RNF103: variants seen among roughly 807,000 people sequenced by gnomAD.
RNF103 encodes ring finger protein 103.
A neutral mutation model predicts 66.2 loss-of-function variants in RNF103; 23 were observed. The observed-to-expected ratio is 0.35, with a 90% CI of 0.25 to 0.49. The LOEUF (loss-of-function observed/expected upper bound fraction) is 0.49, where lower values mean the gene tolerates loss of function less well. RNF103 is among the 20% of genes least tolerant of loss of function. RNF103 has a pLI of 0.98. For missense variants in RNF103, 730 were observed against 814.7 expected (o/e 0.90, Z 1.27); for synonymous variants, 297 against 289.9 (o/e 1.02, Z -0.25).
chr2:86,607,328 T>C (rs1678611920), intron 3 of RNF103, among the ~76,000 whole-genome samples: 1 of 152,234 alleles, frequency 6.6e-6, no homozygotes, highest in South Asian at 2.1e-4. Context: ...AGAAGAGTCT[T>C]GACGTAGGTA....
chr2:86,604,352 A>C lies in RNF103; in HGVS notation c.1549T>G (p.Phe517Val). ...DYIKNLPMWR[F>V]KCLGVQSEEE... Reference sequence around the variant, plus strand: ...TCAGACTGGACTCCAAGACATTTAAATCGCCACATTGGTAAGTTTTTAATA... The same window carrying C: ...TCAGACTGGACTCCAAGACATTTAACTCGCCACATTGGTAAGTTTTTAATA... The change falls in exon 4 of 4, where the codon TTT becomes GTT. Residue 517 changes from phenylalanine to valine, a missense_variant. Coordinates refer to ENST00000237455, the MANE Select transcript of RNF103 (RefSeq NM_005667.4). The C allele has an allele frequency of 6.2e-7, 1 of 1,614,234 alleles. No individual in the cohort carries two copies. Among genetic ancestry groups the C allele is most frequent in the Non-Finnish European group, 8.5e-7 (1 of 1,180,052 alleles).
Position 86,612,146 on chromosome 2 carries a change from C to T in RNF103, c.482+13G>A. 1.3e-6 allele frequency: 2 copies of T among 1,566,660 alleles called. No homozygotes were observed. The highest frequency in any genetic ancestry group is 8.7e-7 in the Non-Finnish European group (1 of 1,144,300). ...TCAGGACTCAAATTCTAAGAATTGCCTAATCAACTTACCTGGGATCACTGG... is the reference window on the plus strand; with the variant it reads ...TCAGGACTCAAATTCTAAGAATTGCTTAATCAACTTACCTGGGATCACTGG... On this transcript the variant is annotated intron_variant, in intron 3 of 3. Transcript: ENST00000237455.
Position 86,620,478 on chromosome 2 carries a change from A to G in RNF103, c.227-9T>C. On this transcript the variant is annotated splice_polypyrimidine_tract_variant and intron_variant, in intron 1 of 3. Coordinates refer to ENST00000237455, the MANE Select transcript of RNF103 (RefSeq NM_005667.4). ...ACCCTCCATCAAGTCACCTGAAGAAAGGAAAAGAATAACACTAATAAGGTT... is the reference window on the plus strand; with the variant it reads ...ACCCTCCATCAAGTCACCTGAAGAAGGGAAAAGAATAACACTAATAAGGTT... The G allele has an allele frequency of 6.4e-7, 1 of 1,563,046 alleles. No homozygotes were observed. The highest frequency in any genetic ancestry group is 8.7e-7 in the Non-Finnish European group (1 of 1,147,170).
At chr2:86,618,122 G>T (rs144086057) in intron 2 of RNF103, 64 of 320,242 alleles carry the variant, frequency 2.0e-4, no homozygotes, top group African/African-American at 1.3e-3. Context: ...TACCTATAAG[G>T]TTTAAAAATA....
intron 3 of RNF103, among the ~76,000 whole-genome samples, chr2:86,607,378 CAG>C (rs1290021876): frequency 2.0e-5 from 3 of 152,100 alleles, no homozygotes; most frequent in African/African-American, 7.2e-5. Context: ...AATTTTATCT[CAG>C]GGATTCTGTG....
At chr2:86,616,842 T>A in intron 2 of RNF103, 1 of 985,340 alleles carries the variant, frequency 1.0e-6, no homozygotes, top group Non-Finnish European at 1.2e-6. Flanking sequence ...GGAGGATAAA[T>A]CCATAAAACC....
intron 3 of RNF103, 56 bp from the exon 4 acceptor site, chr2:86,605,474 T>G: frequency 7.3e-6 from 11 of 1,504,128 alleles, no homozygotes; most frequent in Non-Finnish European, 8.9e-6. Flanking sequence ...ACAATTTATC[T>G]TCCCTGACAA....
At chr2:86,617,827 G>C (rs1013463732) in intron 2 of RNF103, 43 of 1,064,616 alleles carry the variant, frequency 4.0e-5, no homozygotes, top group Admixed American at 9.5e-5. Context: ...CTTAAACCAA[G>C]GTGGCTGTGC....
Position 86,609,342 on chromosome 2 carries a change from C to A in RNF103, c.482+2817G>T, listed in dbSNP as rs1017809022. ...CTTATACAGCCTGCAGAACAGTGAG[C>A]TAAATAAATCTATTTTCTTCATAAA... On this transcript the variant is annotated intron_variant, in intron 3 of 3. Transcript: ENST00000237455. Among the ~76,000 whole-genome samples the A allele has an allele frequency of 2.6e-5, 4 of 151,732 alleles. 1 individual carries two copies. The highest frequency in any genetic ancestry group is 6.8e-3 in the Middle Eastern group (2 of 294).
At chr2:86,620,181 A>G (rs1274340468) in intron 2 of RNF103, 149 bp downstream of exon 2, 3 of 1,026,624 alleles carry the variant, frequency 2.9e-6, no homozygotes, top group African/African-American at 1.6e-5. Context: ...CCTTTTTAAG[A>G]AGATACTGGA....
At chr2:86,608,656 T>A (rs1678667267) in intron 3 of RNF103, among the ~76,000 whole-genome samples, 1 of 151,968 alleles carries the variant, frequency 6.6e-6, no homozygotes, top group Non-Finnish European at 1.5e-5. Flanking sequence ...CAGGCCACCA[T>A]CCCTGACACT....
intron 3 of RNF103, among the ~76,000 whole-genome samples, chr2:86,606,186 A>T (rs551758824): frequency 0.077 from 11,741 of 152,226 alleles, 491 homozygotes; most frequent in African/African-American, 0.087. Flanking sequence ...TTCAAGAATG[A>T]TCCCCATTTT....
intron 2 of RNF103, chr2:86,614,919 G>A (rs930446127): frequency 3.0e-6 from 3 of 985,276 alleles, no homozygotes; most frequent in South Asian, 4.7e-5. Context: ...TCAGGTCTGT[G>A]TGCAGAATGA....
intron 3 of RNF103, among the ~76,000 whole-genome samples, chr2:86,608,635 C>G (rs969735174): frequency 1.3e-5 from 2 of 151,988 alleles, no homozygotes; most frequent in African/African-American, 4.8e-5. Flanking sequence ...TCTCCTTCCC[C>G]GTTTTTTCCA....
At chr2:86,612,970 G>C (rs915451836) in intron 2 of RNF103, 1 of 152,174 alleles carries the variant, frequency 6.6e-6, no homozygotes, top group African/African-American at 2.4e-5. Flanking sequence ...CTTAAGAAAA[G>C]AAAAAGAGGC....
intron 2 of RNF103, chr2:86,617,927 A>G: frequency 1.2e-6 from 1 of 836,728 alleles, no homozygotes; most frequent in Non-Finnish European, 1.7e-6. Context: ...GTTCTTTCAG[A>G]CCAGGCCAGC....
chr2:86,611,010 C>CA (rs36001734), intron 3 of RNF103, among the ~76,000 whole-genome samples: 71,146 of 129,432 alleles, frequency 0.55, 18,229 homozygotes, highest in East Asian at 0.8. Flanking sequence ...TCCATCTCTA[C>CA]AAAAAAAAAA....
Position 86,622,665 on chromosome 2 carries a change from CTT to C in RNF103, c.220_221del (p.Lys74ValfsTer3). ...EKKDVRELVEKSGDLMEGELY... is the reference protein window; with the variant it reads ...EKKDVRELVEXSGDLMEGELY... ...TAGGGGAAGCCCGATACTCGCCTGA[CTT>C]TTCCACCAGCTCCCGGACATCCTTC... On this transcript the variant is annotated frameshift_variant, in exon 1 of 4. Transcript: ENST00000237455. LOFTEE classifies it high-confidence loss of function. 6.2e-7 allele frequency: 1 copy of C among 1,614,094 alleles called. No homozygotes were observed.
chr2:86,623,394 C>T lies in RNF103; in HGVS notation c.-508G>A. 2.0e-6 allele frequency: 2 copies of T among 980,402 alleles called. No individual in the cohort carries two copies. Among genetic ancestry groups the T allele is most frequent in the South Asian group, 9.4e-5 (2 of 21,240 alleles). 60.7% of individuals were successfully genotyped at this position (980,402 alleles called of 1,614,324 possible). On this transcript the variant is annotated 5_prime_UTR_variant, in exon 1 of 4. Coordinates refer to ENST00000237455, the MANE Select transcript of RNF103 (RefSeq NM_005667.4). ...GCCGTGGGGGCCGGACTCCCGCGGC[C>T]GCGGGTCAGGAGGGCGCGGCGCTCG... is the stretch of plus-strand genomic sequence containing the variant.
Sources: allele counts gnomAD v4.1 joint callset (sites outside exome capture counted in the v4.1 genomes callset), GRCh38; gene constraint gnomAD v4.1.1; transcripts MANE v1.5; gene names NCBI Gene and HGNC (gene_info 2026-07-23, HGNC 2026-07-21).